ADGRA3: variants seen among roughly 807,000 people sequenced by gnomAD.
ADGRA3 encodes adhesion G protein-coupled receptor A3.
ADGRA3 carries 56 observed loss-of-function variants against 119.8 expected under a neutral mutation model. The observed-to-expected ratio is 0.47, with a 90% confidence interval of 0.38 to 0.58. ADGRA3 has a LOEUF of 0.58. ADGRA3 is among the 20% of genes least tolerant of loss of function. The pLI, the probability that ADGRA3 is intolerant of heterozygous loss-of-function variation, is 0.00. For missense variants in ADGRA3, 1,516 were observed against 1,649.0 expected, an observed-to-expected ratio of 0.92 and a Z score of 1.40; for synonymous variants, 607 against 623.8, an observed-to-expected ratio of 0.97 and a Z score of 0.40.
At chr4:22,409,780 T>G (rs939011929) in intron 14 of ADGRA3, among the ~76,000 whole-genome samples, 4 of 152,176 alleles carry the variant, frequency 2.6e-5, no homozygotes, top group Non-Finnish European at 2.9e-5. Context: ...GCAACCTTTG[T>G]GCAAAAATGC....
At chr4:22,487,949 CTTGGGGTGCCGGATG>C (rs1453109385) in intron 1 of ADGRA3, among the ~76,000 whole-genome samples, 1 of 151,930 alleles carries the variant, frequency 6.6e-6, no homozygotes, top group East Asian at 1.9e-4. Flanking sequence ...GAAGCCAGAG[CTTGGGGTGCCGGATG>C]TTGGGGTGCC....
rs930973622 is a variant in ADGRA3, at chr4:22,414,729, T to C, written c.1810-915A>G. ...TTGATGAAAATCTATTGCTCAGATGTATCCCCTGAATGCTCCTATAGCACA... is the reference window on the plus strand; with the variant it reads ...TTGATGAAAATCTATTGCTCAGATGCATCCCCTGAATGCTCCTATAGCACA... On this transcript the variant is annotated intron_variant, in intron 12 of 18. Coordinates refer to ENST00000334304, the MANE Select transcript of ADGRA3 (RefSeq NM_145290.4). 54 of 598,882 alleles carry C rather than the reference T, an allele frequency of 9.0e-5. 1 individual carries two copies. In the South Asian group the frequency reaches 1.1e-3, roughly 12 times the overall value. 37.1% of individuals were successfully genotyped at this position (598,882 alleles called of 1,614,324 possible).
Position 22,402,880 on chromosome 4 carries a change from A to T in ADGRA3, c.2233-81T>A. 2.3e-6 allele frequency: 3 copies of T among 1,317,462 alleles called. No individual in the cohort carries two copies. The African/African-American group carries it at 4.5e-5, about 20-fold the overall frequency. The allele number at this position is 1,317,462 out of a possible 1,614,324, so 81.6% of individuals were successfully genotyped here. On this transcript the variant is annotated intron_variant, in intron 14 of 18. Transcript: ENST00000334304. ...TGAGATTTTTTTGAGTGACGAAAAC[A>T]CATCAATAAACAAAAACTCTGGCCC... is the stretch of plus-strand genomic sequence containing the variant.
At chr4:22,437,911 G>GA (rs1020146321) in intron 8 of ADGRA3, among the ~76,000 whole-genome samples, 18 of 151,580 alleles carry the variant, frequency 1.2e-4, no homozygotes, top group East Asian at 3.9e-4. Context: ...CCACTGGGGG[G>GA]AAAAAAAACA....
rs1374772747 is a variant in ADGRA3 at position 22,436,555 on chromosome 4, T to C, written c.1172A>G (p.Gln391Arg). ...TCTGCGCCAAGCTTTTCTCTCATCC[T>C]GTGGGTTTCCGGGATATATCCCACT... ...HGSGIYPGNPQDERKAWRRCD... is the reference protein window; with the variant it reads ...HGSGIYPGNPRDERKAWRRCD... The change falls in exon 9 of 19, where the codon CAG becomes CGG. Residue 391 changes from glutamine (Q) to arginine (R), a missense_variant. Transcript: ENST00000334304. 6.2e-7 allele frequency: 1 copy of C among 1,613,906 alleles called. No individual in the cohort carries two copies. The highest frequency in any genetic ancestry group is 8.5e-7 in the Non-Finnish European group (1 of 1,179,960).
chr4:22,465,462 A>G (rs778624340), intron 2 of ADGRA3, among the ~76,000 whole-genome samples: 6 of 152,182 alleles, frequency 3.9e-5, no homozygotes, highest in Non-Finnish European at 8.8e-5. Context: ...TGGAGCTGCT[A>G]ACGGCCCTGT....
At chr4:22,457,709 T>A (rs1717288945) in intron 3 of ADGRA3, among the ~76,000 whole-genome samples, 1 of 152,202 alleles carries the variant, frequency 6.6e-6, no homozygotes, top group African/African-American at 2.4e-5. Flanking sequence ...GCTTGAGAGA[T>A]TATTTACTGA....
intron 14 of ADGRA3, among the ~76,000 whole-genome samples, chr4:22,412,006 T>A (rs1715225954): frequency 6.6e-6 from 1 of 152,100 alleles, no homozygotes; most frequent in African/African-American, 2.4e-5. Context: ...TAATTCAGGT[T>A]TACTTCAAGA....
At chr4:22,455,320 A>T (rs1717200295) in intron 3 of ADGRA3, among the ~76,000 whole-genome samples, 1 of 152,224 alleles carries the variant, frequency 6.6e-6, no homozygotes, top group Non-Finnish European at 1.5e-5. Context: ...CTGAGCCCAA[A>T]CTCAGCCAGT....
intron 10 of ADGRA3, among the ~76,000 whole-genome samples, chr4:22,429,214 C>T (rs13140367): frequency 0.67 from 101,173 of 152,058 alleles, 34,442 homozygotes; most frequent in Non-Finnish European, 0.74. Context: ...TGATTCTACC[C>T]TAAGGTGTTA....
At chr4:22,424,392 C>G (rs1715846704) in intron 10 of ADGRA3, 40 bp from the exon 11 acceptor site, 1 of 1,590,558 alleles carries the variant, frequency 6.3e-7, no homozygotes, top group Non-Finnish European at 8.6e-7. Flanking sequence ...ATCTTTAAAA[C>G]CACCATAAAC....
At chr4:22,504,081 C>T (rs1719149307) in intron 1 of ADGRA3, among the ~76,000 whole-genome samples, 1 of 151,966 alleles carries the variant, frequency 6.6e-6, no homozygotes, top group African/African-American at 2.4e-5. Context: ...CTAAATTGTC[C>T]ATGGTGAGGG....
chr4:22,493,842 C>A (rs1211900170), intron 1 of ADGRA3, among the ~76,000 whole-genome samples: 1 of 152,056 alleles, frequency 6.6e-6, no homozygotes, highest in African/African-American at 2.4e-5. Context: ...CATAAAAAAC[C>A]TCGCTAATAA....
chr4:22,420,252 AT>A (rs1464485302), intron 12 of ADGRA3: 1 of 152,254 alleles, frequency 6.6e-6, no homozygotes, highest in Non-Finnish European at 1.5e-5. Flanking sequence ...ATGTGGTTCC[AT>A]TAGGGTGCTG....
intron 16 of ADGRA3, among the ~76,000 whole-genome samples, chr4:22,400,636 G>A (rs1714590817): frequency 6.6e-6 from 1 of 151,884 alleles, no homozygotes. Context: ...GTGCTTACAG[G>A]TAACAATACT....
intron 1 of ADGRA3, among the ~76,000 whole-genome samples, chr4:22,488,616 A>G (rs1477550127): frequency 6.6e-6 from 1 of 152,194 alleles, no homozygotes; most frequent in Non-Finnish European, 1.5e-5. Flanking sequence ...CTAGAGGCCA[A>G]AGAAAACGTG....
chr4:22,423,012 G>A (rs73112122), intron 11 of ADGRA3, among the ~76,000 whole-genome samples: 1,795 of 151,838 alleles, frequency 0.012, 26 homozygotes, highest in African/African-American at 0.041. Context: ...CCTGGCCAAC[G>A]TAATGTAACC....
At position 22,424,275 on chromosome 4, in the gene ADGRA3, T is replaced by C. The variant is rs1052954506; in HGVS notation, c.1521A>G (p.Glu507=). 2.5e-6 allele frequency: 4 copies of C among 1,613,764 alleles called. No homozygotes were observed. Among genetic ancestry groups the C allele is most frequent in the Non-Finnish European group, 3.4e-6 (4 of 1,179,920 alleles). The part of the protein sequence containing the change: ...DERVLWLAQR[E]AKACSRIVQC... Reference sequence around the variant, plus strand: ...GCACAATCCTACTGCAGGCTTTAGCTTCCCTCTGCGCCAGCCACAGGACAC... The same window carrying C: ...GCACAATCCTACTGCAGGCTTTAGCCTCCCTCTGCGCCAGCCACAGGACAC... Residue 507 remains glutamate (E), a synonymous_variant, in exon 11 of 19, where the codon GAA becomes GAG. Coordinates refer to ENST00000334304, the MANE Select transcript of ADGRA3 (RefSeq NM_145290.4).
At chr4:22,440,820 T>C (rs1245330651) in intron 7 of ADGRA3, among the ~76,000 whole-genome samples, 1 of 152,188 alleles carries the variant, frequency 6.6e-6, no homozygotes, top group Admixed American at 6.5e-5. Context: ...AATTCTGACA[T>C]ATGTATAGGC....
Sources: allele counts gnomAD v4.1 joint callset (sites outside exome capture counted in the v4.1 genomes callset), GRCh38; gene constraint gnomAD v4.1.1; transcripts MANE v1.5; gene names NCBI Gene and HGNC (gene_info 2026-07-23, HGNC 2026-07-21).